The following ALG1L2 variants were observed in gnomAD, a reference collection of about 807,000 sequenced individuals.
The protein encoded by ALG1L2 is putative glycosyltransferase ALG1L2.
A neutral mutation model predicts 29.0 loss-of-function variants in ALG1L2; 32 were observed. The observed-to-expected ratio is 1.10, with a 90% CI of 0.83 to 1.48. ALG1L2 has a LOEUF of 1.48. Among genes scored for constraint, ALG1L2 ranks in the 40% most tolerant of loss-of-function variants. ALG1L2 has a pLI of 0.00. For missense variants in ALG1L2, 318 were observed against 274.1 expected (o/e 1.16, Z -1.13); for synonymous variants, 110 against 109.5 (o/e 1.00, Z -0.03).
In ALG1L2 at chr3:130,084,370, G is replaced by A. The variant is rs1305437278; in HGVS notation, c.20+2334G>A. Among the ~76,000 whole-genome samples, 4 of 149,252 alleles carry A rather than the reference G, an allele frequency of 2.7e-5. No individual in the cohort carries two copies. In the South Asian group the frequency reaches 6.4e-4, roughly 24 times the overall value. On this transcript the variant is annotated intron_variant, in intron 1 of 7. Coordinates refer to ENST00000425059, the MANE Select transcript of ALG1L2 (RefSeq NM_001136152.1). Reference sequence around the variant, plus strand: ...GCAAAGAAGGCCTCATAAAGGAGATGGAGAGGAAGGAGACAGGAGGAAAGG... The same window carrying A: ...GCAAAGAAGGCCTCATAAAGGAGATAGAGAGGAAGGAGACAGGAGGAAAGG...
rs1349554814 is a variant in ALG1L2 at position 130,082,410 on chromosome 3, T to C, written c.20+374T>C. Among the ~76,000 whole-genome samples, 10 of 130,154 alleles carry C rather than the reference T, an allele frequency of 7.7e-5. 1 individual carries two copies. 85.4% of individuals were successfully genotyped at this position (130,154 alleles called of 152,430 possible). A position where few individuals can be genotyped will look rare whatever the true frequency, so the allele number is the denominator to read the frequency against. ...TGGAGTGCACTGGCACCATCTCGGC[T>C]TACTGCGACCTCCACCTCCCAGACT... On this transcript the variant is annotated intron_variant, in intron 1 of 7. Coordinates refer to ENST00000425059, the MANE Select transcript of ALG1L2 (RefSeq NM_001136152.1).
chr3:130,083,088 A>G (rs544969828), intron 1 of ALG1L2, among the ~76,000 whole-genome samples: 2 of 132,388 alleles, frequency 1.5e-5, no homozygotes, highest in East Asian at 4.1e-4. Flanking sequence ...ATTCTTCCTT[A>G]TGCATCAGTA....
chr3:130,087,525 G>A (rs1213082614), intron 1 of ALG1L2, among the ~76,000 whole-genome samples: 24 of 149,448 alleles, frequency 1.6e-4, no homozygotes, highest in African/African-American at 5.1e-4. Context: ...TTGTAGCAGG[G>A]TTAGTTTCCT....
chr3:130,094,754 C>G (rs893499630), intron 5 of ALG1L2, among the ~76,000 whole-genome samples: 1 of 152,192 alleles, frequency 6.6e-6, no homozygotes, highest in Non-Finnish European at 1.5e-5. Context: ...GCCTGCCACG[C>G]CCTCCATTCA....
chr3:130,082,199 G>T lies in ALG1L2; in HGVS notation c.20+163G>T, dbSNP rs185207791. ...TGAGACCACAGCAGTGGGGAAGAGT[G>T]TGAGAGGGATGGAAATTGAGATGAA... On this transcript the variant is annotated intron_variant, in intron 1 of 7. Coordinates refer to ENST00000425059, the MANE Select transcript of ALG1L2 (RefSeq NM_001136152.1). 4.0e-5 allele frequency among the ~76,000 whole-genome samples: 6 copies of T among 149,118 alleles called. No homozygotes were observed. In the East Asian group the frequency reaches 1.2e-3, roughly 29 times the overall value.
intron 1 of ALG1L2, among the ~76,000 whole-genome samples, chr3:130,084,633 T>G (rs112292624): frequency 0.047 from 3,351 of 71,374 alleles, 62 homozygotes; most frequent in Middle Eastern, 0.1. Context: ...AATGCCTCAG[T>G]CTGCTATAAA....
chr3:130,093,045 A>G, intron 3 of ALG1L2, 56 bp from the exon 4 acceptor site: 1 of 1,507,914 alleles, frequency 6.6e-7, no homozygotes, highest in Non-Finnish European at 8.9e-7. Context: ...AAAAAAAAAA[A>G]AAAAAAAAAT....
At chr3:130,089,581 A>C in intron 1 of ALG1L2, 1 of 152,306 alleles carries the variant, frequency 6.6e-6, no homozygotes, top group Non-Finnish European at 1.5e-5. Flanking sequence ...TATATTGGTT[A>C]AAGTTTACTA....
chr3:130,087,531 T>A (rs1271332640), intron 1 of ALG1L2, among the ~76,000 whole-genome samples: 1 of 149,360 alleles, frequency 6.7e-6, no homozygotes, highest in Non-Finnish European at 1.5e-5. Context: ...CAGGGTTAGT[T>A]TCCTGATTTT....
chr3:130,096,994 C>CCCGTGCA (rs1935151086), intron 6 of ALG1L2, among the ~76,000 whole-genome samples, 181 bp from the exon 7 acceptor site: 1 of 120,922 alleles, frequency 8.3e-6, no homozygotes, highest in Non-Finnish European at 1.7e-5. Context: ...TTGATGTGCA[C>CCCGTGCA]CCCCCCCAGG....
chr3:130,091,924 A>T, intron 2 of ALG1L2, 177 bp from the exon 3 acceptor site: 1 of 1,002,396 alleles, frequency 1.0e-6, no homozygotes, highest in East Asian at 2.6e-5. Flanking sequence ...AGCACCCAGC[A>T]ACAATATTAG....
rs1445651769 is a variant in ALG1L2 at position 130,082,053 on chromosome 3, T to G, written c.20+17T>G. The G allele has an allele frequency of 1.7e-5, 26 of 1,498,046 alleles. No homozygotes were observed. Among genetic ancestry groups the G allele is most frequent in the Non-Finnish European group, 2.4e-5 (26 of 1,102,696 alleles). 92.8% of individuals were successfully genotyped at this position (1,498,046 alleles called of 1,614,324 possible). A position where few individuals can be genotyped will look rare whatever the true frequency, so the allele number is the denominator to read the frequency against. On this transcript the variant is annotated intron_variant, in intron 1 of 7. Transcript: ENST00000425059. ...TGCAGGCTGGTAAGCAGGGGGGTGG[T>G]GCTGGTTGGATTGCAATGCAGAGAA...
intron 1 of ALG1L2, chr3:130,089,317 C>T (rs1235945208): frequency 2.0e-5 from 3 of 152,402 alleles, no homozygotes; most frequent in African/African-American, 7.2e-5. Context: ...CCAGGCTCCG[C>T]ACCTCATCCC....
chr3:130,090,223 G>T (rs1376691150), intron 1 of ALG1L2, among the ~76,000 whole-genome samples: 1 of 152,296 alleles, frequency 6.6e-6, no homozygotes, highest in African/African-American at 2.4e-5. Flanking sequence ...GGGCTTTGTG[G>T]TGGGTGCCTG....
At chr3:130,089,764 G>A (rs990849125) in intron 1 of ALG1L2, among the ~76,000 whole-genome samples, 8 of 152,426 alleles carry the variant, frequency 5.2e-5, no homozygotes, top group Admixed American at 3.3e-4. Context: ...TGAAGGGCCA[G>A]GTGCAGTGAC....
At chr3:130,096,996 C>A (rs541655260) in intron 6 of ALG1L2, among the ~76,000 whole-genome samples, 179 bp from the exon 7 acceptor site, 2 of 152,124 alleles carry the variant, frequency 1.3e-5, no homozygotes, top group Admixed American at 6.5e-5. Context: ...GATGTGCACC[C>A]CCCCCAGGCT....
rs142713675 is a variant in ALG1L2 at position 130,087,195 on chromosome 3, C to T, written c.21-4066C>T. On this transcript the variant is annotated intron_variant, in intron 1 of 7. Coordinates refer to ENST00000425059, the MANE Select transcript of ALG1L2 (RefSeq NM_001136152.1). ...TTGGTGTAATGGGGTAAACCATCAA[C>T]ATGTCCCTCCTGATGCAATGCACAG... Among the ~76,000 whole-genome samples, 82 of 150,294 alleles carry T rather than the reference C, an allele frequency of 5.5e-4. No homozygotes were observed. The East Asian group carries it at 0.015, about 28-fold the overall frequency.
At chr3:130,086,914 T>C (rs1209652329) in intron 1 of ALG1L2, among the ~76,000 whole-genome samples, 1 of 151,554 alleles carries the variant, frequency 6.6e-6, no homozygotes, top group African/African-American at 2.4e-5. Flanking sequence ...CTCTTCATCC[T>C]AATGCCAGGA....
In ALG1L2 at chr3:130,081,972, T is replaced by G; in HGVS notation, c.-45T>G. On this transcript the variant is annotated 5_prime_UTR_variant, in exon 1 of 8. Transcript: ENST00000425059. ...GAGGCTGTCACAGAGGCTGGAGAAA[T>G]AAGCAGTTCCTTGCTAAGAAGTCTG... is the stretch of plus-strand genomic sequence containing the variant. The G allele has an allele frequency of 6.9e-7, 1 of 1,442,082 alleles. No homozygotes were observed. The highest frequency in any genetic ancestry group is 9.5e-7 in the Non-Finnish European group (1 of 1,049,424). 89.3% of individuals were successfully genotyped at this position (1,442,082 alleles called of 1,614,324 possible). A position where few individuals can be genotyped will look rare whatever the true frequency, so the allele number is the denominator to read the frequency against.
Sources: allele counts gnomAD v4.1 joint callset (sites outside exome capture counted in the v4.1 genomes callset), GRCh38; gene constraint gnomAD v4.1.1; transcripts MANE v1.5; gene names NCBI Gene and HGNC (gene_info 2026-07-23, HGNC 2026-07-21).